AGMO: variants seen among roughly 807,000 people sequenced by gnomAD.
The protein encoded by AGMO is glyceryl-ether monooxygenase.
In AGMO, 75 loss-of-function variants were observed where a neutral mutation model predicts 60.2. The observed-to-expected ratio is 1.25, with a 90% CI of 1.03 to 1.51. The LOEUF (loss-of-function observed/expected upper bound fraction) is 1.51. Among genes scored for constraint, AGMO ranks in the 40% most tolerant of loss-of-function variants. AGMO has a pLI of 0.00. For synonymous variants in AGMO, 261 were observed against 177.1 expected (o/e 1.47, Z -3.76); for missense variants, 763 against 525.5 (o/e 1.45, Z -4.42).
chr7:15,385,258 T>C (rs1162764100), intron 10 of AGMO, among the ~76,000 whole-genome samples, 188 bp downstream of exon 10: 8 of 152,224 alleles, frequency 5.3e-5, no homozygotes, highest in East Asian at 1.9e-4. Flanking sequence ...GCATTTTGGA[T>C]AGAATTCATT....
chr7:15,193,688 A>G, the AGMO span, among the ~76,000 whole-genome samples: 1 of 152,174 alleles, frequency 6.6e-6, no homozygotes, highest in Non-Finnish European at 1.5e-5. Flanking sequence ...ATCTTTACTG[A>G]TATTTGTCTA....
chr7:15,211,389 A>T (rs11984306), intron 12 of AGMO, among the ~76,000 whole-genome samples: 1 of 151,898 alleles, frequency 6.6e-6, no homozygotes. Context: ...GTTGGTGGTC[A>T]TAAGTTAAAA....
chr7:15,499,645 T>C (rs1381391857), intron 3 of AGMO, among the ~76,000 whole-genome samples: 1 of 151,654 alleles, frequency 6.6e-6, no homozygotes, highest in African/African-American at 2.4e-5. Context: ...CTAAAATCCA[T>C]AATGTCTTAG....
intron 12 of AGMO, among the ~76,000 whole-genome samples, chr7:15,338,198 T>C (rs755334303): frequency 4.6e-5 from 7 of 152,210 alleles, no homozygotes; most frequent in Non-Finnish European, 1.0e-4. Context: ...AATAAATCAT[T>C]TTAAAATATA....
At chr7:15,132,690 A>G in the AGMO span, among the ~76,000 whole-genome samples, 1 of 152,196 alleles carries the variant, frequency 6.6e-6, no homozygotes, top group Non-Finnish European at 1.5e-5. Flanking sequence ...CTGAAGATCA[A>G]CTGGGGTGAG....
At chr7:15,418,701 A>C in intron 4 of AGMO, 48 bp from the exon 5 acceptor site, 12 of 1,154,742 alleles carry the variant, frequency 1.0e-5, no homozygotes, top group Non-Finnish European at 1.5e-5. Context: ...ATGAATTCTC[A>C]ATGCTTTGTT....
At chr7:15,392,784 A>C (rs1382236636) in intron 6 of AGMO, among the ~76,000 whole-genome samples, 1 of 148,500 alleles carries the variant, frequency 6.7e-6, no homozygotes, top group East Asian at 2.0e-4. Context: ...GGGCGACAGA[A>C]TGAGACTCTG....
At chr7:15,141,520 C>T in the AGMO span, among the ~76,000 whole-genome samples, 2 of 152,034 alleles carry the variant, frequency 1.3e-5, no homozygotes, top group South Asian at 2.1e-4. Flanking sequence ...CGGGAGGCAG[C>T]GGTTGCAGTG....
chr7:15,351,013 G>A (rs1364370454), intron 12 of AGMO, among the ~76,000 whole-genome samples: 4 of 152,124 alleles, frequency 2.6e-5, no homozygotes, highest in African/African-American at 9.7e-5. Flanking sequence ...TTAGCTCACT[G>A]TGGGCATGCA....
intron 3 of AGMO, among the ~76,000 whole-genome samples, chr7:15,531,600 ATATATATTCTATG>A (rs1272494434): frequency 6.6e-5 from 8 of 120,674 alleles, no homozygotes; most frequent in African/African-American, 2.6e-4. Context: ...TATATTCTAT[ATATATATTCTATG>A]TATATTCTAT....
intron 12 of AGMO, among the ~76,000 whole-genome samples, chr7:15,333,551 G>GTA (rs1781562301): frequency 2.0e-5 from 3 of 147,380 alleles, no homozygotes; most frequent in Non-Finnish European, 4.5e-5. Flanking sequence ...AAGTGCTAAT[G>GTA]TATACCCTTT....
At position 15,530,700 on chromosome 7, in the gene AGMO, A is replaced by G. The variant is rs183464309; in HGVS notation, c.409+14072T>C. Among the ~76,000 whole-genome samples the G allele has an allele frequency of 7.6e-3, 1,059 of 138,644 alleles. 14 individuals carry two copies. Among genetic ancestry groups the G allele is most frequent in the African/African-American group, 0.026 (999 of 38,776 alleles). 91.0% of individuals were successfully genotyped at this position (138,644 alleles called of 152,430 possible). ...ATATTCTATATATGTATTTCTACAT[A>G]TATTCTATATATACATTTCTATATA... On this transcript the variant is annotated intron_variant, in intron 3 of 12. Transcript: ENST00000342526.
chr7:15,516,759 CT>C (rs538054072), intron 3 of AGMO, among the ~76,000 whole-genome samples: 2,323 of 146,174 alleles, frequency 0.016, 49 homozygotes, highest in African/African-American at 0.054. Flanking sequence ...AAGTTACATC[CT>C]TTTTTTTTTT....
At chr7:15,447,722 T>C (rs1416913008) in intron 3 of AGMO, among the ~76,000 whole-genome samples, 1 of 152,114 alleles carries the variant, frequency 6.6e-6, no homozygotes, top group African/African-American at 2.4e-5. Context: ...GGCTAAATTT[T>C]TTTTTTTTTC....
At chr7:15,366,280 G>A (rs554690093) in intron 10 of AGMO, 58 bp from the exon 11 acceptor site, 8 of 1,365,280 alleles carry the variant, frequency 5.9e-6, no homozygotes, top group South Asian at 2.5e-5. Context: ...AAAGGTACAC[G>A]AACGGTTAAA....
intron 10 of AGMO, among the ~76,000 whole-genome samples, chr7:15,370,217 C>T (rs1783148774): frequency 6.6e-6 from 1 of 152,154 alleles, no homozygotes; most frequent in Non-Finnish European, 1.5e-5. Flanking sequence ...ATTCACGTTG[C>T]TGCAAAGGAC....
chr7:15,146,561 G>T, the AGMO span, among the ~76,000 whole-genome samples: 1 of 151,566 alleles, frequency 6.6e-6, no homozygotes, highest in Non-Finnish European at 1.5e-5. Flanking sequence ...TTGTTAAAAT[G>T]AAGTAATTAT....
chr7:15,378,298 G>C (rs1376832593), intron 10 of AGMO, among the ~76,000 whole-genome samples: 1 of 151,834 alleles, frequency 6.6e-6, no homozygotes, highest in Non-Finnish European at 1.5e-5. Context: ...TACTAACTTT[G>C]AACACACGCA....
intron 12 of AGMO, among the ~76,000 whole-genome samples, chr7:15,218,325 G>GTA (rs1237363426): frequency 8.0e-5 from 10 of 125,226 alleles, no homozygotes; most frequent in South Asian, 5.1e-4. Context: ...TATGGTGTGT[G>GTA]TATGTGTGTG....
Sources: allele counts gnomAD v4.1 joint callset (sites outside exome capture counted in the v4.1 genomes callset), GRCh38; gene constraint gnomAD v4.1.1; transcripts MANE v1.5; gene names NCBI Gene and HGNC (gene_info 2026-07-23, HGNC 2026-07-21).